Variants in SLC4A10 observed in about 807,000 individuals in gnomAD.
SLC4A10 encodes solute carrier family 4 member 10.
SLC4A10 carries 42 observed loss-of-function variants against 137.7 expected under a neutral mutation model. The observed-to-expected ratio is 0.30, with a 90% confidence interval of 0.24 to 0.39. The LOEUF (loss-of-function observed/expected upper bound fraction) is 0.39. Among genes scored for constraint, SLC4A10 ranks in the 10% least tolerant of loss-of-function variants. SLC4A10 has a pLI of 1.00. For missense variants in SLC4A10, 925 were observed against 1,355.0 expected (o/e 0.68, Z 4.98); for synonymous variants, 474 against 464.1 (o/e 1.02, Z -0.27).
intron 3 of SLC4A10, among the ~76,000 whole-genome samples, chr2:161,818,841 G>A (rs1350408634): frequency 6.6e-6 from 1 of 152,162 alleles, no homozygotes; most frequent in Non-Finnish European, 1.5e-5. Flanking sequence ...CTTGATCATG[G>A]TGGATAAGTT....
intron 15 of SLC4A10, among the ~76,000 whole-genome samples, chr2:161,909,540 A>C (rs1447085755): frequency 6.6e-6 from 1 of 152,168 alleles, no homozygotes; most frequent in Non-Finnish European, 1.5e-5. Flanking sequence ...GACAGAAACA[A>C]TGACAGTCTC....
At chr2:161,824,667 A>G (rs897815037) in intron 3 of SLC4A10, among the ~76,000 whole-genome samples, 1 of 152,248 alleles carries the variant, frequency 6.6e-6, no homozygotes, top group African/African-American at 2.4e-5. Context: ...TTCACATTAG[A>G]CAATCTGGCA....
chr2:161,694,018 C>A (rs1162496756), intron 1 of SLC4A10, among the ~76,000 whole-genome samples: 1 of 151,932 alleles, frequency 6.6e-6, no homozygotes, highest in Non-Finnish European at 1.5e-5. Flanking sequence ...AAAGTGTTGC[C>A]AATCATTGAG....
At chr2:161,745,705 T>C (rs2125272588) in intron 1 of SLC4A10, among the ~76,000 whole-genome samples, 1 of 152,290 alleles carries the variant, frequency 6.6e-6, no homozygotes, top group East Asian at 1.9e-4. Context: ...CCCTTTCTTT[T>C]TGAGAAGCCT....
intron 1 of SLC4A10, among the ~76,000 whole-genome samples, chr2:161,692,429 T>C (rs1673920741): frequency 6.6e-6 from 1 of 152,150 alleles, no homozygotes; most frequent in African/African-American, 2.4e-5. Context: ...AATGTTGTTA[T>C]GGTGAGTTGC....
At chr2:161,627,571 A>G (rs1186866559) in intron 1 of SLC4A10, among the ~76,000 whole-genome samples, 1 of 152,162 alleles carries the variant, frequency 6.6e-6, no homozygotes, top group Non-Finnish European at 1.5e-5. Flanking sequence ...CATTTAGTAT[A>G]GTATATATAA....
intron 1 of SLC4A10, among the ~76,000 whole-genome samples, chr2:161,769,439 A>G (rs1303482245): frequency 6.6e-6 from 1 of 151,940 alleles, no homozygotes; most frequent in Non-Finnish European, 1.5e-5. Flanking sequence ...AAAAGCAAAG[A>G]TATGCAGTGG....
At chr2:161,799,375 T>G (rs1226013847) in intron 2 of SLC4A10, among the ~76,000 whole-genome samples, 3 of 151,890 alleles carry the variant, frequency 2.0e-5, no homozygotes, top group East Asian at 3.9e-4. Context: ...GGGTGAAAAA[T>G]TCAATTATGG....
intron 3 of SLC4A10, among the ~76,000 whole-genome samples, chr2:161,819,775 T>G (rs1462073271): frequency 1.3e-5 from 2 of 152,202 alleles, no homozygotes; most frequent in African/African-American, 4.8e-5. Flanking sequence ...ATTACAGGAA[T>G]GAGCCACCGC....
intron 1 of SLC4A10, among the ~76,000 whole-genome samples, chr2:161,663,292 A>G (rs1221252606): frequency 3.9e-5 from 6 of 152,166 alleles, no homozygotes; most frequent in Non-Finnish European, 8.8e-5. Flanking sequence ...ACAAATTTAA[A>G]ACCTGAAGTG....
chr2:161,631,797 C>T (rs764633875), intron 1 of SLC4A10, among the ~76,000 whole-genome samples: 41 of 151,594 alleles, frequency 2.7e-4, no homozygotes, highest in Non-Finnish European at 5.0e-4. Flanking sequence ...ATGTTGAATT[C>T]CAAGTAGCTC....
chr2:161,674,131 G>A (rs190221617), intron 1 of SLC4A10, among the ~76,000 whole-genome samples: 5 of 152,216 alleles, frequency 3.3e-5, no homozygotes, highest in Admixed American at 1.3e-4. Flanking sequence ...AATTGGATAC[G>A]TATTCATTTG....
chr2:161,692,457 A>G (rs1020127794), intron 1 of SLC4A10, among the ~76,000 whole-genome samples: 3 of 152,228 alleles, frequency 2.0e-5, no homozygotes, highest in Middle Eastern at 3.4e-3. Flanking sequence ...GTATTTGAAT[A>G]TAAGGTAGTT....
chr2:161,863,380 G>A (rs977800412), intron 6 of SLC4A10, among the ~76,000 whole-genome samples: 1 of 152,170 alleles, frequency 6.6e-6, no homozygotes, highest in South Asian at 2.1e-4. Flanking sequence ...CCTAGTCTCT[G>A]TCCTGTAGCT....
At chr2:161,848,036 T>C (rs2059608339) in intron 4 of SLC4A10, among the ~76,000 whole-genome samples, 1 of 152,186 alleles carries the variant, frequency 6.6e-6, no homozygotes, top group South Asian at 2.1e-4. Flanking sequence ...CACCAGCTTC[T>C]GTTATTTTTT....
chr2:161,909,559 T>C (rs2105383828), intron 15 of SLC4A10, among the ~76,000 whole-genome samples: 1 of 152,222 alleles, frequency 6.6e-6, no homozygotes, highest in East Asian at 1.9e-4. Flanking sequence ...TCATGGGAAA[T>C]GGGGTCTGAC....
At chr2:161,894,620 C>T (rs1405840720) in intron 10 of SLC4A10, 59 bp from the exon 11 acceptor site, 1 of 937,822 alleles carries the variant, frequency 1.1e-6, no homozygotes, top group African/African-American at 1.7e-5. Flanking sequence ...AAACACTGAA[C>T]ACATTAATAT....
At chr2:161,842,147 A>T (rs1473021951) in intron 4 of SLC4A10, among the ~76,000 whole-genome samples, 1 of 152,214 alleles carries the variant, frequency 6.6e-6, no homozygotes, top group African/African-American at 2.4e-5. Context: ...GTGATTGCTC[A>T]CACAAATATT....
In SLC4A10 at chr2:161,904,793, C is replaced by A. The variant is rs180812489; in HGVS notation, c.1635C>A (p.Leu545=). The A allele has an allele frequency of 6.2e-7, 1 of 1,613,982 alleles. No homozygotes were observed. Among genetic ancestry groups the A allele is most frequent in the African/African-American group, 1.3e-5 (1 of 75,058 alleles). The change falls in exon 14 of 27, where the codon CTC becomes CTA. Residue 545 remains leucine (L), a synonymous_variant. Coordinates refer to ENST00000446997, the MANE Select transcript of SLC4A10 (RefSeq NM_001178015.2). ...TEGRISAIES[L]FGASMTGIAY... ...CTACACAGAGTGCAATTGAATCTCT[C>A]TTTGGAGCATCCATGACCGGGATAG... is the stretch of plus-strand genomic sequence containing the variant.
Sources: allele counts gnomAD v4.1 joint callset (sites outside exome capture counted in the v4.1 genomes callset), GRCh38; gene constraint gnomAD v4.1.1; transcripts MANE v1.5; gene names NCBI Gene and HGNC (gene_info 2026-07-23, HGNC 2026-07-21).